The following SLC39A9 variants were observed in gnomAD, a reference collection of about 807,000 sequenced individuals.
SLC39A9 encodes zinc transporter ZIP9.
Under a neutral mutation model 28.4 loss-of-function variants are expected in SLC39A9, and 14 were observed. The observed-to-expected ratio is 0.49, with a 90% CI of 0.33 to 0.77. The LOEUF is 0.77. Ranked by LOEUF, SLC39A9 falls within the 30% of genes least tolerant of loss-of-function variation. The pLI is 0.02. For missense variants in SLC39A9, 283 were observed against 381.1 expected (o/e 0.74, Z 2.14); for synonymous variants, 119 against 149.6 (o/e 0.80, Z 1.49).
At chr14:69,429,887 A>C (rs1884403382) in intron 2 of SLC39A9, among the ~76,000 whole-genome samples, 1 of 152,040 alleles carries the variant, frequency 6.6e-6, no homozygotes, top group Admixed American at 6.6e-5. Flanking sequence ...GTTTTGTTTT[A>C]GTTTTTTATT....
At chr14:69,433,015 G>A (rs552364664) in intron 2 of SLC39A9, among the ~76,000 whole-genome samples, 55 of 152,252 alleles carry the variant, frequency 3.6e-4, no homozygotes, top group Non-Finnish European at 7.2e-4. Context: ...TGGCTATTTG[G>A]TCTGTTTTCT....
At chr14:69,416,037 A>G (rs536945716) in intron 1 of SLC39A9, among the ~76,000 whole-genome samples, 8 of 152,242 alleles carry the variant, frequency 5.3e-5, no homozygotes, top group Non-Finnish European at 1.2e-4. Context: ...CGCCATTTAC[A>G]TTAGGTATTT....
At chr14:69,413,837 C>T (rs1952282945) in intron 1 of SLC39A9, among the ~76,000 whole-genome samples, 1 of 152,004 alleles carries the variant, frequency 6.6e-6, no homozygotes, top group South Asian at 2.1e-4. Context: ...GTCATGTGAT[C>T]TTGGGCAAAT....
intron 1 of SLC39A9, among the ~76,000 whole-genome samples, chr14:69,420,507 T>C (rs1199089513): frequency 3.3e-5 from 5 of 152,202 alleles, no homozygotes; most frequent in African/African-American, 1.2e-4. Flanking sequence ...AGTATCTTTG[T>C]GGTATTCTCT....
chr14:69,433,824 C>G lies in SLC39A9; in HGVS notation c.206-8245C>G, dbSNP rs140024705. On this transcript the variant is annotated intron_variant, in intron 2 of 6. Coordinates refer to ENST00000336643, the MANE Select transcript of SLC39A9 (RefSeq NM_018375.5). ...TCTTTGAGGCAGGGTCTCACTTTGTCGCCCAGGCTGGGTACAGTGGCACAG... is the reference window on the plus strand; with the variant it reads ...TCTTTGAGGCAGGGTCTCACTTTGTGGCCCAGGCTGGGTACAGTGGCACAG... 2.1e-3 allele frequency among the ~76,000 whole-genome samples: 323 copies of G among 152,098 alleles called. 2 individuals are homozygous for G. Among genetic ancestry groups the G allele is most frequent in the African/African-American group, 7.6e-3 (314 of 41,486 alleles).
chr14:69,416,631 C>T (rs961999784), intron 1 of SLC39A9, among the ~76,000 whole-genome samples: 2 of 152,204 alleles, frequency 1.3e-5, no homozygotes, highest in African/African-American at 4.8e-5. Context: ...TCTCCAGCAT[C>T]TGTTGTTTCC....
intron 1 of SLC39A9, among the ~76,000 whole-genome samples, chr14:69,405,460 C>A (rs1882862620): frequency 6.6e-6 from 1 of 152,088 alleles, no homozygotes; most frequent in African/African-American, 2.4e-5. Context: ...TTTGTAAATT[C>A]TAAGATTTGA....
At position 69,459,632 on chromosome 14, in the gene SLC39A9, C is replaced by T. The variant is rs1886029567; in HGVS notation, c.*1039C>T. ...GACCTAAATACTAGGTCAGCTTTGG[C>T]GACACTGTGTCTTCTCACATAACCA... On this transcript the variant is annotated 3_prime_UTR_variant, in exon 7 of 7. Transcript: ENST00000336643. 2 of 982,726 alleles carry T rather than the reference C, an allele frequency of 2.0e-6. No homozygotes were observed. Among genetic ancestry groups the T allele is most frequent in the East Asian group, 1.1e-4 (1 of 8,754 alleles). The allele number at this position is 982,726 out of a possible 1,614,324, so 60.9% of individuals were successfully genotyped here. A position where few individuals can be genotyped will look rare whatever the true frequency, so the allele number is the denominator to read the frequency against.
At chr14:69,424,414 G>A (rs1233992638) in intron 2 of SLC39A9, among the ~76,000 whole-genome samples, 1 of 152,062 alleles carries the variant, frequency 6.6e-6, no homozygotes, top group Admixed American at 6.6e-5. Context: ...ACCACTTAAT[G>A]TTTATTTGCC....
At chr14:69,424,258 G>A (rs911007569) in intron 2 of SLC39A9, 56 bp downstream of exon 2, 16 of 1,324,270 alleles carry the variant, frequency 1.2e-5, no homozygotes, top group Non-Finnish European at 1.4e-5. Flanking sequence ...GGGTTAGCAG[G>A]ATGAAGCTTA....
At position 69,442,065 on chromosome 14, in the gene SLC39A9, C is replaced by T. The variant is rs1462644725; in HGVS notation, c.206-4C>T. 2.5e-6 allele frequency: 4 copies of T among 1,613,576 alleles called. No homozygotes were observed. The highest frequency in any genetic ancestry group is 1.1e-5 in the South Asian group (1 of 91,014). Reference sequence around the variant, plus strand: ...TTTTCTCTTTATGGTTTATTCTGCTCTAGGAAAACACCACCAAGCAAGTGA... The same window carrying T: ...TTTTCTCTTTATGGTTTATTCTGCTTTAGGAAAACACCACCAAGCAAGTGA... On this transcript the variant is annotated splice_region_variant and splice_polypyrimidine_tract_variant and intron_variant, in intron 2 of 6. Coordinates refer to ENST00000336643, the MANE Select transcript of SLC39A9 (RefSeq NM_018375.5).
intron 2 of SLC39A9, among the ~76,000 whole-genome samples, chr14:69,433,537 T>G (rs1884593099): frequency 6.6e-6 from 1 of 152,170 alleles, no homozygotes; most frequent in South Asian, 2.1e-4. Context: ...TTGTTAGAAT[T>G]TATTAGTGAA....
At chr14:69,440,862 C>T (rs766781361) in intron 2 of SLC39A9, among the ~76,000 whole-genome samples, 2 of 152,036 alleles carry the variant, frequency 1.3e-5, no homozygotes, top group Non-Finnish European at 2.9e-5. Flanking sequence ...TTAGTAGAGA[C>T]GGGGATTCAC....
At chr14:69,452,366 G>A (rs527730109) in intron 3 of SLC39A9, among the ~76,000 whole-genome samples, 2 of 152,276 alleles carry the variant, frequency 1.3e-5, no homozygotes, top group African/African-American at 4.8e-5. Context: ...TTTCACTCTT[G>A]TTGCCCAGGC....
chr14:69,434,102 G>A (rs576193223), intron 2 of SLC39A9, among the ~76,000 whole-genome samples: 11 of 132,084 alleles, frequency 8.3e-5, no homozygotes, highest in Middle Eastern at 8.5e-3. Flanking sequence ...TTTTTTTTGC[G>A]CGACAGAGTC....
chr14:69,438,590 G>A lies in SLC39A9; in HGVS notation c.206-3479G>A, dbSNP rs118102515. On this transcript the variant is annotated intron_variant, in intron 2 of 6. Coordinates refer to ENST00000336643, the MANE Select transcript of SLC39A9 (RefSeq NM_018375.5). ...GAATTAGATGATTATCAGCTTTCACGTAAAAAAAAACTGTCTATAGAAACA... is the reference window on the plus strand; with the variant it reads ...GAATTAGATGATTATCAGCTTTCACATAAAAAAAAACTGTCTATAGAAACA... Among the ~76,000 whole-genome samples, 57 of 152,030 alleles carry A rather than the reference G, an allele frequency of 3.7e-4. 1 individual carries two copies. In the East Asian group the frequency reaches 5.4e-3, roughly 14 times the overall value.
chr14:69,409,687 A>T (rs1429181122), intron 1 of SLC39A9, among the ~76,000 whole-genome samples: 1 of 152,184 alleles, frequency 6.6e-6, no homozygotes, highest in Non-Finnish European at 1.5e-5. Flanking sequence ...TATGTACAGA[A>T]ATTCTTAATA....
rs749204965 is a variant in SLC39A9, at chr14:69,455,818, A to G, written c.645A>G (p.Ala215=). The change falls in exon 6 of 7, where the codon GCA becomes GCG. Residue 215 remains alanine, a synonymous_variant. Transcript: ENST00000336643. ...NRIRKHLLVF[A]LAAPVMSMVT... The stretch of plus-strand genomic sequence containing the variant: ...TCAGAAAGCACTTGCTGGTCTTTGC[A>G]TTGGCAGCACCAGTTATGTCCATGG... 1 of 1,614,202 alleles carries G rather than the reference A, an allele frequency of 6.2e-7. No homozygotes were observed. Among genetic ancestry groups the G allele is most frequent in the Non-Finnish European group, 8.5e-7 (1 of 1,180,026 alleles).
intron 1 of SLC39A9, among the ~76,000 whole-genome samples, chr14:69,418,543 G>A (rs1350444002): frequency 1.3e-5 from 2 of 152,180 alleles, no homozygotes; most frequent in Non-Finnish European, 2.9e-5. Flanking sequence ...TAGGGTTTCA[G>A]AAGGAATGGT....
Sources: gnomAD v4.1 joint callset for allele counts (sites outside exome capture counted in the v4.1 genomes callset) on GRCh38, gnomAD v4.1.1 for gene constraint, MANE v1.5 for transcripts, NCBI Gene and HGNC (gene_info 2026-07-23, HGNC 2026-07-21) for gene names.